Variants in RFX1 observed in about 807,000 individuals in gnomAD.
RFX1 encodes the protein MHC class II regulatory factor RFX1.
In RFX1, 42 loss-of-function variants were observed where a neutral mutation model predicts 119.6. The observed-to-expected ratio is 0.35, with a 90% CI of 0.27 to 0.45. The LOEUF is 0.45. Ranked by LOEUF, RFX1 falls within the 20% of genes least tolerant of loss-of-function variation. RFX1 has a pLI of 1.00. For missense variants in RFX1, 1,118 were observed against 1,368.1 expected, an observed-to-expected ratio of 0.82 and a Z score of 2.88; for synonymous variants, 628 against 618.5, an observed-to-expected ratio of 1.02 and a Z score of -0.23.
intron 16 of RFX1, among the ~76,000 whole-genome samples, chr19:13,964,407 C>T (rs1418371887): frequency 2.9e-5 from 4 of 135,758 alleles, no homozygotes; most frequent in African/African-American, 1.0e-4. Flanking sequence ...TTTTTAAAAA[C>T]GAAAGAACAC....
At chr19:13,974,209 G>T (rs146962315) in intron 8 of RFX1, among the ~76,000 whole-genome samples, 3 of 152,172 alleles carry the variant, frequency 2.0e-5, no homozygotes, top group Non-Finnish European at 4.4e-5. Flanking sequence ...CAGGAAGGGG[G>T]TGGGGCTAGA....
At chr19:13,983,047 C>T (rs1176688460) in intron 4 of RFX1, 140 bp downstream of exon 4, 1 of 655,638 alleles carries the variant, frequency 1.5e-6, no homozygotes, top group Non-Finnish European at 2.6e-6. Context: ...GGTGACTGCC[C>T]AGAGCCAGGA....
chr19:13,964,609 G>A (rs1463819111), intron 16 of RFX1, among the ~76,000 whole-genome samples: 2 of 152,106 alleles, frequency 1.3e-5, no homozygotes, highest in Non-Finnish European at 2.9e-5. Flanking sequence ...AGCCTCCTGG[G>A]TAGCTGGGAT....
Position 13,972,842 on chromosome 19 carries a change from G to A in RFX1, c.1215C>T (p.Gly405=), listed in dbSNP as rs762997110. 42 of 1,580,136 alleles carry A rather than the reference G, an allele frequency of 2.7e-5. No individual in the cohort carries two copies. The highest frequency in any genetic ancestry group is 2.1e-4 in the Middle Eastern group (1 of 4,820). ...CGTAGGTGCCTGCTCCGCTGCCGCC[G>A]CCTCCGGTGCTGCCACTGCCACCCC... The part of the protein sequence containing the change: ...GGGGGSGSTG[G]GGSGAGTYVI... The change falls in exon 9 of 21, where the codon GGC becomes GGT. Residue 405 remains glycine (G), a synonymous_variant. Coordinates refer to ENST00000254325, the MANE Select transcript of RFX1 (RefSeq NM_002918.5).
At chr19:13,981,791 G>C (rs77713071) in intron 5 of RFX1, among the ~76,000 whole-genome samples, 2,062 of 152,308 alleles carry the variant, frequency 0.014, 46 homozygotes, top group African/African-American at 0.047. Context: ...CCACCCTCCG[G>C]GGGGAAGAGG....
chr19:13,963,308 C>A (rs1351305808), intron 18 of RFX1, 33 bp from the exon 19 acceptor site: 1 of 1,578,994 alleles, frequency 6.3e-7, no homozygotes, highest in Admixed American at 1.8e-5. Flanking sequence ...GACCGTCAGG[C>A]CCCGTCCGGC....
intron 8 of RFX1, 74 bp from the exon 9 acceptor site, chr19:13,973,201 A>C: frequency 3.2e-5 from 24 of 753,082 alleles, no homozygotes; most frequent in Non-Finnish European, 4.2e-5. Flanking sequence ...ACTGTGCAGG[A>C]AGGGGGGTCC....
chr19:13,982,023 T>TG, intron 5 of RFX1, 98 bp downstream of exon 5: 2 of 472,926 alleles, frequency 4.2e-6, no homozygotes, highest in Non-Finnish European at 3.5e-6. Flanking sequence ...CAAGTGGGCT[T>TG]GGGGGGCGGG....
rs1287637263 is a variant in RFX1 at position 13,975,924 on chromosome 19, C to A, written c.929+2068G>T. 2.0e-5 allele frequency among the ~76,000 whole-genome samples: 3 copies of A among 152,190 alleles called. No individual in the cohort carries two copies. The East Asian group carries it at 5.8e-4, about 29-fold the overall frequency. On this transcript the variant is annotated intron_variant, in intron 8 of 20. Coordinates refer to ENST00000254325, the MANE Select transcript of RFX1 (RefSeq NM_002918.5). ...AGTGGCCCCCAACAACTTCTCGTAG[C>A]AGAAAAACCCGATAGCAACGATGAA...
rs760669340 is a variant in RFX1 at position 13,965,421 on chromosome 19, G to A, written c.2211+28C>T. 3.2e-5 allele frequency: 51 copies of A among 1,599,100 alleles called. No homozygotes were observed. Among genetic ancestry groups the A allele is most frequent in the Non-Finnish European group, 4.0e-5 (47 of 1,167,436 alleles). On this transcript the variant is annotated intron_variant, in intron 16 of 20. Coordinates refer to ENST00000254325, the MANE Select transcript of RFX1 (RefSeq NM_002918.5). This position sits in a 1 kb window ranked among gnomAD's most constrained non-coding sequence, Gnocchi z 4.7. ...GACGGAGGCCTAAGCCCCAGAGATA[G>A]GAGAAAGGGACCCCCTCACACTCTC... is the stretch of plus-strand genomic sequence containing the variant.
Position 13,993,763 on chromosome 19 carries a change from G to A in RFX1, c.81C>T (p.Pro27=). 1 of 1,603,378 alleles carries A rather than the reference G, an allele frequency of 6.2e-7. No homozygotes were observed. The part of the protein sequence containing the change: ...QPPQAPPQAQ[P]QPPPPPPPAA... The stretch of plus-strand genomic sequence containing the variant: ...CTGGGGGTGGTGGCGGTGGCGGCTG[G>A]GGCTGGGCTTGTGGCGGGGCCTGTG... The change falls in exon 2 of 21, where the codon CCC becomes CCT. Residue 27 remains proline, a synonymous_variant. Transcript: ENST00000254325.
Position 13,973,055 on chromosome 19 carries a change from G to A in RFX1, c.1002C>T (p.Ala334=), listed in dbSNP as rs778536461. The A allele has an allele frequency of 3.1e-5, 49 of 1,601,754 alleles. No homozygotes were observed. The highest frequency in any genetic ancestry group is 3.6e-5 in the Non-Finnish European group (42 of 1,179,874). Residue 334 remains alanine, a synonymous_variant, in exon 9 of 21, where the codon GCC becomes GCT. Coordinates refer to ENST00000254325, the MANE Select transcript of RFX1 (RefSeq NM_002918.5). ...TGCTGACCTGGGTGGCCGTGCCTGCGGCCTCGTAGTAGCTGGTGCTTGCCG... is the reference window on the plus strand; with the variant it reads ...TGCTGACCTGGGTGGCCGTGCCTGCAGCCTCGTAGTAGCTGGTGCTTGCCG... The part of the protein sequence containing the change: ...TQTASTSYYE[A]AGTATQVSTP...
intron 1 of RFX1, among the ~76,000 whole-genome samples, chr19:13,995,736 A>C (rs568755088): frequency 6.6e-6 from 1 of 151,654 alleles, no homozygotes; most frequent in Admixed American, 6.6e-5. Context: ...CTGTAATCCC[A>C]GCTACTTAGG....
intron 1 of RFX1, among the ~76,000 whole-genome samples, chr19:14,001,345 G>A (rs1443804751): frequency 1.3e-5 from 2 of 152,168 alleles, no homozygotes; most frequent in Non-Finnish European, 2.9e-5. Context: ...CTGTTGCCCA[G>A]GCTGGAGCAC....
At chr19:14,000,695 G>A (rs1191195923) in intron 1 of RFX1, among the ~76,000 whole-genome samples, 5 of 152,188 alleles carry the variant, frequency 3.3e-5, no homozygotes, top group Admixed American at 2.6e-4. Flanking sequence ...CTGCTCGGGA[G>A]GCTGGGGTGG....
At chr19:14,004,931 T>C (rs1975322224) in intron 1 of RFX1, among the ~76,000 whole-genome samples, 1 of 152,170 alleles carries the variant, frequency 6.6e-6, no homozygotes, top group Admixed American at 6.5e-5. Flanking sequence ...TAGCTTCCCC[T>C]TCCCTCTGAC....
intron 1 of RFX1, among the ~76,000 whole-genome samples, chr19:13,998,681 C>T (rs1430721206): frequency 6.6e-6 from 1 of 152,158 alleles, no homozygotes; most frequent in East Asian, 1.9e-4. Flanking sequence ...CAACATCATG[C>T]AGATTCCTGA....
rs2145553001 is a variant in RFX1 at position 13,970,100 on chromosome 19, A to G, written c.1390T>C (p.Leu464=). The G allele has an allele frequency of 6.2e-7, 1 of 1,614,074 alleles. No homozygotes were observed. Among genetic ancestry groups the G allele is most frequent in the Non-Finnish European group, 8.5e-7 (1 of 1,179,990 alleles). The change falls in exon 10 of 21, where the codon TTA becomes CTA. Residue 464 remains leucine, a synonymous_variant. Coordinates refer to ENST00000254325, the MANE Select transcript of RFX1 (RefSeq NM_002918.5). The part of the protein sequence containing the change: ...LPRSTLYCHY[L]LHCQEQKLEP... ...AGCTTCTGCTCCTGGCAGTGCAGTAAGTAGTGGCAGTAGAGGGTGCTCCGT... is the reference window on the plus strand; with the variant it reads ...AGCTTCTGCTCCTGGCAGTGCAGTAGGTAGTGGCAGTAGAGGGTGCTCCGT...
At position 13,980,750 on chromosome 19, in the gene RFX1, G is replaced by T; in HGVS notation, c.622-61C>A. 1 of 960,786 alleles carries T rather than the reference G, an allele frequency of 1.0e-6. No individual in the cohort carries two copies. Among genetic ancestry groups the T allele is most frequent in the Non-Finnish European group, 1.6e-6 (1 of 634,368 alleles). 59.5% of individuals were successfully genotyped at this position (960,786 alleles called of 1,614,324 possible). Reference sequence around the variant, plus strand: ...TGGGCTTGCATCCTCTCTGAGGTGGGCTCACACACACACCCTTCTCAGGAG... The same window carrying T: ...TGGGCTTGCATCCTCTCTGAGGTGGTCTCACACACACACCCTTCTCAGGAG... On this transcript the variant is annotated intron_variant, in intron 5 of 20. Transcript: ENST00000254325. This position sits in a 1 kb window ranked among gnomAD's most constrained non-coding sequence, Gnocchi z 5.1.
Sources: allele counts gnomAD v4.1 joint callset (sites outside exome capture counted in the v4.1 genomes callset), GRCh38; gene constraint gnomAD v4.1.1; non-coding constraint Gnocchi (gnomAD v3.1); transcripts MANE v1.5; gene names NCBI Gene and HGNC (gene_info 2026-07-23, HGNC 2026-07-21).